SMAP1: variants seen among roughly 807,000 people sequenced by gnomAD.
The protein encoded by SMAP1 is stromal membrane-associated protein 1.
A neutral mutation model predicts 58.5 loss-of-function variants in SMAP1; 24 were observed. That is an observed-to-expected ratio of 0.41 (90% CI 0.30 to 0.58). The LOEUF (loss-of-function observed/expected upper bound fraction) is 0.58, where lower values mean the gene tolerates loss of function less well. Ranked by LOEUF, SMAP1 falls within the 20% of genes least tolerant of loss-of-function variation. The pLI is 0.29. For missense variants in SMAP1, 563 were observed against 566.3 expected (o/e 0.99, Z 0.06); for synonymous variants, 216 against 196.6 (o/e 1.10, Z -0.82).
intron 1 of SMAP1, among the ~76,000 whole-genome samples, chr6:70,672,009 CCTGT>C (rs1766286085): frequency 6.6e-6 from 1 of 152,126 alleles, no homozygotes; most frequent in Non-Finnish European, 1.5e-5. Flanking sequence ...TTTTGTTTAG[CCTGT>C]CTGATATTGA....
rs142635937 is a variant in SMAP1 at position 70,849,705 on chromosome 6, A to G, written c.665-2835A>G. The stretch of plus-strand genomic sequence containing the variant: ...AAGAAGACTATTTTTGTATGATCCT[A>G]TATACATTGTTTTTAAACTTGTGGT... On this transcript the variant is annotated intron_variant, in intron 7 of 10. Coordinates refer to ENST00000370455, the MANE Select transcript of SMAP1 (RefSeq NM_001044305.3). Among the ~76,000 whole-genome samples the G allele has an allele frequency of 9.6e-4, 146 of 152,330 alleles. 4 individuals carry two copies. In the East Asian group the frequency reaches 0.025, roughly 26 times the overall value.
chr6:70,810,371 T>C (rs1769334872), intron 6 of SMAP1, among the ~76,000 whole-genome samples: 1 of 152,128 alleles, frequency 6.6e-6, no homozygotes, highest in South Asian at 2.1e-4. Context: ...ACCATATACA[T>C]TTGTAAGAAG....
At chr6:70,859,033 G>C (rs1771573474) in intron 10 of SMAP1, 1 of 218,296 alleles carries the variant, frequency 4.6e-6, no homozygotes, top group Non-Finnish European at 9.0e-6. Flanking sequence ...TCCCATTGAT[G>C]TTCCTCCAGC....
Position 70,861,791 on chromosome 6 carries a change from G to A in SMAP1, c.*1457G>A. On this transcript the variant is annotated 3_prime_UTR_variant, in exon 11 of 11. Transcript: ENST00000370455. ...TAGCTTGGGTAGCGCACTCTTCATGGTGACACTCGAGGTCGGGCAGCACAA... is the reference window on the plus strand; with the variant it reads ...TAGCTTGGGTAGCGCACTCTTCATGATGACACTCGAGGTCGGGCAGCACAA... 1.9e-6 allele frequency: 3 copies of A among 1,613,994 alleles called. No individual in the cohort carries two copies. Among genetic ancestry groups the A allele is most frequent in the Non-Finnish European group, 2.5e-6 (3 of 1,179,912 alleles).
chr6:70,842,179 T>C (rs1035555090), intron 7 of SMAP1, among the ~76,000 whole-genome samples: 2 of 152,182 alleles, frequency 1.3e-5, no homozygotes, highest in Non-Finnish European at 2.9e-5. Flanking sequence ...GAAAATTTTA[T>C]AGTCAAGTTA....
chr6:70,861,982 TGTG>T lies in SMAP1; in HGVS notation c.*1649_*1651del. ...ACTTGAAGACTTACAGCAAATCCTTTGTGAAAAATAAAAAAAAAAAAGAGACTT... is the reference window on the plus strand; with the variant it reads ...ACTTGAAGACTTACAGCAAATCCTTTAAAAATAAAAAAAAAAAAGAGACTT... On this transcript the variant is annotated 3_prime_UTR_variant, in exon 11 of 11. Transcript: ENST00000370455. The T allele has an allele frequency of 6.4e-7, 1 of 1,572,388 alleles. No homozygotes were observed. Among genetic ancestry groups the T allele is most frequent in the Admixed American group, 2.0e-5 (1 of 49,258 alleles).
intron 3 of SMAP1, among the ~76,000 whole-genome samples, chr6:70,769,596 A>G (rs1421933835): frequency 1.3e-5 from 2 of 151,482 alleles, no homozygotes; most frequent in Non-Finnish European, 1.5e-5. Context: ...TTTGTTTTCC[A>G]TTTGCTTGGT....
rs113580897 is a variant in SMAP1 at position 70,667,964 on chromosome 6, G to A, written c.-60G>A. Reference sequence around the variant, plus strand: ...GGCGCCAGGTGCGTTCACTCTGCCCGGCTCCAGCCAGCGTCCGCCGCCGCC... The same window carrying A: ...GGCGCCAGGTGCGTTCACTCTGCCCAGCTCCAGCCAGCGTCCGCCGCCGCC... On this transcript the variant is annotated 5_prime_UTR_variant, in exon 1 of 11. Transcript: ENST00000370455. 1.4e-6 allele frequency: 2 copies of A among 1,459,736 alleles called. No homozygotes were observed. Among genetic ancestry groups the A allele is most frequent in the African/African-American group, 1.5e-5 (1 of 67,966 alleles). 90.4% of individuals were successfully genotyped at this position (1,459,736 alleles called of 1,614,324 possible). A position where few individuals can be genotyped will look rare whatever the true frequency, so the allele number is the denominator to read the frequency against.
chr6:70,836,028 G>A (rs1190889902), intron 6 of SMAP1, among the ~76,000 whole-genome samples: 1 of 152,102 alleles, frequency 6.6e-6, no homozygotes, highest in Non-Finnish European at 1.5e-5. Flanking sequence ...ATTTCATTAG[G>A]CTTTTCCTGG....
intron 5 of SMAP1, among the ~76,000 whole-genome samples, chr6:70,797,361 A>G (rs1768647736): frequency 6.6e-6 from 1 of 152,126 alleles, no homozygotes. Flanking sequence ...TACTTAGAAG[A>G]CTATCACTGT....
chr6:70,684,184 A>G (rs1012184767), intron 1 of SMAP1, among the ~76,000 whole-genome samples: 2 of 152,238 alleles, frequency 1.3e-5, no homozygotes, highest in African/African-American at 4.8e-5. Flanking sequence ...AATTTGGGAT[A>G]TTTGTTGTCA....
chr6:70,697,327 CAA>C (rs1013785111), intron 1 of SMAP1, among the ~76,000 whole-genome samples: 5 of 147,646 alleles, frequency 3.4e-5, no homozygotes, highest in African/African-American at 1.3e-4. Flanking sequence ...TTTTTTGAGA[CAA>C]GAGTCTCACA....
At chr6:70,754,395 C>CT (rs897964162) in intron 2 of SMAP1, among the ~76,000 whole-genome samples, 1 of 151,958 alleles carries the variant, frequency 6.6e-6, no homozygotes, top group Non-Finnish European at 1.5e-5. Flanking sequence ...ATGAACTGAA[C>CT]TTATATGTAA....
intron 5 of SMAP1, among the ~76,000 whole-genome samples, chr6:70,794,186 T>G (rs1191572023): frequency 6.6e-6 from 1 of 152,204 alleles, no homozygotes; most frequent in African/African-American, 2.4e-5. Context: ...GCCACCAGGT[T>G]TCAAGAACGA....
At chr6:70,771,437 A>T (rs1582153229) in intron 3 of SMAP1, among the ~76,000 whole-genome samples, 1 of 152,304 alleles carries the variant, frequency 6.6e-6, no homozygotes, top group Non-Finnish European at 1.5e-5. Flanking sequence ...TTGTTTACCT[A>T]GGCAAGCCTG....
At chr6:70,806,477 C>T (rs1019137890) in intron 6 of SMAP1, among the ~76,000 whole-genome samples, 6 of 152,268 alleles carry the variant, frequency 3.9e-5, no homozygotes, top group East Asian at 1.9e-4. Context: ...GGTGATGCCC[C>T]GCCCTCCTTC....
At chr6:70,811,038 G>A (rs1769366547) in intron 6 of SMAP1, among the ~76,000 whole-genome samples, 1 of 152,090 alleles carries the variant, frequency 6.6e-6, no homozygotes, top group South Asian at 2.1e-4. Context: ...TTTAAAACTG[G>A]AGTTGCTGAG....
chr6:70,679,555 A>G (rs974870795), intron 1 of SMAP1, among the ~76,000 whole-genome samples: 3 of 152,174 alleles, frequency 2.0e-5, no homozygotes, highest in Non-Finnish European at 4.4e-5. Context: ...TAAAGTGACT[A>G]TAGAAAAAGT....
intron 6 of SMAP1, among the ~76,000 whole-genome samples, chr6:70,823,033 A>G (rs915193953): frequency 6.6e-6 from 1 of 151,938 alleles, no homozygotes; most frequent in Non-Finnish European, 1.5e-5. Context: ...ATTCTTGCAT[A>G]TTGTCTACTT....
Sources: gnomAD v4.1 joint callset for allele counts (sites outside exome capture counted in the v4.1 genomes callset) on GRCh38, gnomAD v4.1.1 for gene constraint, MANE v1.5 for transcripts, NCBI Gene and HGNC (gene_info 2026-07-23, HGNC 2026-07-21) for gene names.